The following NAV3 variants were observed in gnomAD, a reference collection of about 807,000 sequenced individuals.
The protein encoded by NAV3 is neuron navigator 3.
NAV3 carries 87 observed loss-of-function variants against 244.7 expected under a neutral mutation model. That is an observed-to-expected ratio of 0.36 (90% confidence interval 0.30 to 0.42). NAV3 has a LOEUF of 0.42. Ranked by LOEUF, NAV3 falls within the 20% of genes least tolerant of loss-of-function variation. NAV3 has a pLI of 1.00. For synonymous variants in NAV3, 1,126 were observed against 1,042.2 expected (o/e 1.08, Z -1.55); for missense variants, 2,663 against 2,893.3 (o/e 0.92, Z 1.83).
intron 2 of NAV3, among the ~76,000 whole-genome samples, chr12:77,631,030 A>G (rs965606931): frequency 6.6e-6 from 1 of 152,230 alleles, no homozygotes; most frequent in Non-Finnish European, 1.5e-5. Flanking sequence ...GAATATATGA[A>G]TAAGTTTCTG....
chr12:77,919,206 G>A (rs1287066587), intron 1 of NAV3, among the ~76,000 whole-genome samples: 1 of 152,042 alleles, frequency 6.6e-6, no homozygotes, highest in Non-Finnish European at 1.5e-5. Flanking sequence ...TGCTTTGAGA[G>A]CAGGCACTTA....
intron 1 of NAV3, among the ~76,000 whole-genome samples, chr12:77,881,817 C>G (rs1882686812): frequency 6.6e-6 from 1 of 152,058 alleles, no homozygotes; most frequent in African/African-American, 2.4e-5. Flanking sequence ...CACACAATGC[C>G]ACTTACAATA....
intron 23 of NAV3, among the ~76,000 whole-genome samples, chr12:78,164,352 A>G (rs1213370971): frequency 6.6e-6 from 1 of 152,002 alleles, no homozygotes; most frequent in Non-Finnish European, 1.5e-5. Context: ...TAGTTTGCTC[A>G]TTTGTTACCT....
At chr12:77,719,746 T>G (rs561173109) in intron 2 of NAV3, among the ~76,000 whole-genome samples, 1 of 152,158 alleles carries the variant, frequency 6.6e-6, no homozygotes, top group Non-Finnish European at 1.5e-5. Context: ...GATAATGACC[T>G]GTAGTATTCT....
chr12:78,114,739 A>T (rs1458617984), intron 12 of NAV3, among the ~76,000 whole-genome samples: 1 of 152,186 alleles, frequency 6.6e-6, no homozygotes, highest in African/African-American at 2.4e-5. Flanking sequence ...ATGAGAAATT[A>T]TCAAATTAAG....
chr12:77,616,408 AT>A (rs1032057263), intron 2 of NAV3, among the ~76,000 whole-genome samples: 4 of 152,190 alleles, frequency 2.6e-5, no homozygotes, highest in African/African-American at 9.6e-5. Flanking sequence ...TAGTATGGGT[AT>A]TTTGGTGCAA....
At chr12:78,102,119 A>G (rs2611266) in intron 12 of NAV3, among the ~76,000 whole-genome samples, 6,421 of 152,272 alleles carry the variant, frequency 0.042, 211 homozygotes, top group Non-Finnish European at 0.064. Flanking sequence ...AGGTTAGTCC[A>G]TAGTCTCATC....
chr12:77,866,952 AC>A lies in NAV3; in HGVS notation c.243+35249del, dbSNP rs1311490871. ...AGAATATTCTAGAGTATTAGAATGAACTGTGAAAGGCTCCAAGCATGACAAG... is the reference window on the plus strand; with the variant it reads ...AGAATATTCTAGAGTATTAGAATGAATGTGAAAGGCTCCAAGCATGACAAG... On this transcript the variant is annotated intron_variant, in intron 1 of 39. Coordinates refer to ENST00000397909, the MANE Select transcript of NAV3 (RefSeq NM_001024383.2). Among the ~76,000 whole-genome samples, 4 of 152,356 alleles carry A rather than the reference AC, an allele frequency of 2.6e-5. No individual in the cohort carries two copies. The South Asian group carries it at 6.2e-4, about 24-fold the overall frequency.
intron 11 of NAV3, among the ~76,000 whole-genome samples, chr12:78,054,944 A>G (rs2060394693): frequency 6.6e-6 from 1 of 152,180 alleles, no homozygotes; most frequent in African/African-American, 2.4e-5. Context: ...TTTCATCTCA[A>G]TAAAAGAGAG....
At chr12:78,166,724 C>T (rs1207476194) in intron 23 of NAV3, among the ~76,000 whole-genome samples, 1 of 151,682 alleles carries the variant, frequency 6.6e-6, no homozygotes, top group African/African-American at 2.4e-5. Flanking sequence ...GAATGTTCTA[C>T]ATTTTATCTT....
intron 7 of NAV3, among the ~76,000 whole-genome samples, chr12:77,999,117 G>T (rs541051684): frequency 6.6e-6 from 1 of 152,254 alleles, no homozygotes; most frequent in African/African-American, 2.4e-5. Context: ...GTACGAAGTG[G>T]GCATTTAAAG....
intron 8 of NAV3, among the ~76,000 whole-genome samples, chr12:78,015,339 C>T (rs1876007772): frequency 6.6e-6 from 1 of 152,090 alleles, no homozygotes; most frequent in Non-Finnish European, 1.5e-5. Flanking sequence ...CACCTAGTAG[C>T]TGTCACATCT....
At chr12:77,665,672 A>T (rs1345883381) in intron 2 of NAV3, among the ~76,000 whole-genome samples, 1 of 152,150 alleles carries the variant, frequency 6.6e-6, no homozygotes, top group African/African-American at 2.4e-5. Context: ...TTAAAGCATC[A>T]TTTCATTCAT....
chr12:77,931,260 A>G (rs1233330197), intron 1 of NAV3, among the ~76,000 whole-genome samples: 3 of 152,108 alleles, frequency 2.0e-5, no homozygotes, highest in Non-Finnish European at 2.9e-5. Context: ...TTTAATTTAC[A>G]AAACTTCTAC....
chr12:77,921,575 T>C (rs977871252), intron 1 of NAV3, among the ~76,000 whole-genome samples: 2 of 152,076 alleles, frequency 1.3e-5, no homozygotes, highest in Non-Finnish European at 2.9e-5. Context: ...AAGATTGTCT[T>C]ATGATAAGTT....
rs774594585 is a variant in NAV3, at chr12:78,159,189, C to A, written c.4786-14C>A. On this transcript the variant is annotated splice_polypyrimidine_tract_variant and intron_variant, in intron 22 of 39. Transcript: ENST00000397909. Reference sequence around the variant, plus strand: ...TCTGACATTTAAACTATGTTTCTTCCATTCTGTTCACAGGCTCACCTTGTA... The same window carrying A: ...TCTGACATTTAAACTATGTTTCTTCAATTCTGTTCACAGGCTCACCTTGTA... 12 of 1,606,972 alleles carry A rather than the reference C, an allele frequency of 7.5e-6. No individual in the cohort carries two copies. The African/African-American group carries it at 1.6e-4, about 22-fold the overall frequency.
chr12:78,021,800 G>A lies in NAV3; in HGVS notation c.1961G>A (p.Ser654Asn), dbSNP rs1205484794. 2 of 1,611,254 alleles carry A rather than the reference G, an allele frequency of 1.2e-6. No homozygotes were observed. Among genetic ancestry groups the A allele is most frequent in the Non-Finnish European group, 8.5e-7 (1 of 1,178,572 alleles). Residue 654 changes from serine (S) to asparagine (N), a missense_variant, in exon 9 of 40, where the codon AGT (serine) becomes AAT (asparagine). Ser to Asn is a conservative substitution (Grantham distance 46). Around this residue, in one of 6 missense-constraint regions of NAV3, gnomAD observed 1,521 missense variants for 1,497.0 expected, o/e 1.02. Transcript: ENST00000397909. ...TALPSADSCT[S>N]PTKMDLSYSK... is the part of the protein sequence containing the mutation. The stretch of plus-strand genomic sequence containing the variant: ...TTACCATCGGCTGACTCCTGTACCA[G>A]TCCTACAAAGATGGACTTATCATAT...
Position 78,198,591 on chromosome 12 carries a change from T to C in NAV3, c.6447-14T>C. 1 of 1,517,180 alleles carries C rather than the reference T, an allele frequency of 6.6e-7. No individual in the cohort carries two copies. The highest frequency in any genetic ancestry group is 1.2e-5 in the South Asian group (1 of 83,018). The allele number at this position is 1,517,180 out of a possible 1,614,324, so 94.0% of individuals were successfully genotyped here. ...CCTCCAGTAAATTAAAATTTTCTAT[T>C]TATTTTTTTCTAGTCCATATATTAT... On this transcript the variant is annotated splice_polypyrimidine_tract_variant and intron_variant, in intron 35 of 39. Transcript: ENST00000397909.
chr12:77,857,005 T>C (rs780591718), intron 1 of NAV3, among the ~76,000 whole-genome samples: 1 of 152,146 alleles, frequency 6.6e-6, no homozygotes, highest in Non-Finnish European at 1.5e-5. Context: ...ATTGAATAAA[T>C]CTGTTACTTT....
Sources: allele counts gnomAD v4.1 joint callset (sites outside exome capture counted in the v4.1 genomes callset), GRCh38; gene constraint gnomAD v4.1.1; regional missense constraint gnomAD v4.1.1; transcripts MANE v1.5; gene names NCBI Gene and HGNC (gene_info 2026-07-23, HGNC 2026-07-21).